The following PRKN variants were observed in gnomAD, a reference collection of about 807,000 sequenced individuals.
PRKN encodes E3 ubiquitin-protein ligase parkin.
Under a neutral mutation model 59.5 loss-of-function variants are expected in PRKN, and 56 were observed. That is an observed-to-expected ratio of 0.94 (90% CI 0.76 to 1.18). The LOEUF (loss-of-function observed/expected upper bound fraction) is 1.18, where lower values mean the gene tolerates loss of function less well. Among genes scored for constraint, PRKN ranks in the 50% most tolerant of loss-of-function variants. The pLI is 0.00. For synonymous variants in PRKN, 250 were observed against 222.1 expected (o/e 1.13, Z -1.12); for missense variants, 657 against 596.4 (o/e 1.10, Z -1.06).
intron 1 of PRKN, 57 bp downstream of exon 1, chr6:162,727,605 G>T (rs1022815802): frequency 6.5e-7 from 1 of 1,543,282 alleles, no homozygotes; most frequent in Non-Finnish European, 8.8e-7. Flanking sequence ...GGGGCGTGGC[G>T]CCATACCGGG....
At chr6:162,607,833 T>G (rs1314105950) in intron 1 of PRKN, among the ~76,000 whole-genome samples, 1 of 152,148 alleles carries the variant, frequency 6.6e-6, no homozygotes, top group East Asian at 1.9e-4. Context: ...AGAGTTCATC[T>G]GCCAAGACTG....
At chr6:161,425,103 A>ACT (rs10689017) in intron 9 of PRKN, among the ~76,000 whole-genome samples, 103,119 of 151,676 alleles carry the variant, frequency 0.68, 36,665 homozygotes, top group East Asian at 0.95. Context: ...GTTAGGCATG[A>ACT]CTCTCTTTCT....
At chr6:162,619,668 A>G (rs536257875) in intron 1 of PRKN, among the ~76,000 whole-genome samples, 9 of 151,038 alleles carry the variant, frequency 6.0e-5, no homozygotes, top group Non-Finnish European at 1.3e-4. Context: ...ATAAAAAGTA[A>G]TAATACAGAA....
At chr6:162,688,403 C>T (rs1222063993) in intron 1 of PRKN, among the ~76,000 whole-genome samples, 1 of 151,996 alleles carries the variant, frequency 6.6e-6, no homozygotes, top group East Asian at 1.9e-4. Context: ...TATTTAACCT[C>T]TACATGTAAG....
At chr6:162,176,795 G>A (rs182700508) in intron 4 of PRKN, among the ~76,000 whole-genome samples, 3 of 152,128 alleles carry the variant, frequency 2.0e-5, no homozygotes, top group African/African-American at 7.2e-5. Flanking sequence ...CCATAAATAC[G>A]GCTTACACTG....
intron 1 of PRKN, among the ~76,000 whole-genome samples, chr6:162,463,640 C>A (rs1791276275): frequency 6.6e-6 from 1 of 152,308 alleles, no homozygotes; most frequent in East Asian, 1.9e-4. Context: ...GACAATGTGA[C>A]TACTGCTATG....
chr6:162,402,809 A>G lies in PRKN; in HGVS notation c.171+40501T>C, dbSNP rs553707079. On this transcript the variant is annotated intron_variant, in intron 2 of 11. Coordinates refer to ENST00000366898, the MANE Select transcript of PRKN (RefSeq NM_004562.3). ...TCCTTAGTAGCTAGAATGCCATCAT[A>G]TCTGAGTGATTGTTTTTTAGCTTTC... Among the ~76,000 whole-genome samples the G allele has an allele frequency of 7.9e-5, 12 of 151,984 alleles. 1 individual carries two copies. Among genetic ancestry groups the G allele is most frequent in the Admixed American group, 7.2e-4 (11 of 15,246 alleles).
chr6:162,161,201 C>T (rs796384574), intron 4 of PRKN, among the ~76,000 whole-genome samples: 57 of 152,306 alleles, frequency 3.7e-4, no homozygotes, highest in African/African-American at 1.4e-3. Flanking sequence ...ATGGGCTGAC[C>T]ACGTGAGCAT....
chr6:161,700,383 G>C (rs1786203319), intron 7 of PRKN, among the ~76,000 whole-genome samples: 3 of 152,168 alleles, frequency 2.0e-5, no homozygotes, highest in African/African-American at 7.2e-5. Flanking sequence ...TCCCACCAAA[G>C]TTTGGCTTCA....
chr6:161,967,861 C>T (rs1784591), intron 6 of PRKN, among the ~76,000 whole-genome samples: 1 of 151,900 alleles, frequency 6.6e-6, no homozygotes. Context: ...TTAGATAGTG[C>T]CCAGTAAACC....
At chr6:161,900,337 A>G (rs1054666506) in intron 6 of PRKN, among the ~76,000 whole-genome samples, 1 of 150,474 alleles carries the variant, frequency 6.6e-6, no homozygotes, top group African/African-American at 2.4e-5. Context: ...TCAGGAAACA[A>G]GACATGGAGC....
intron 9 of PRKN, among the ~76,000 whole-genome samples, chr6:161,474,441 C>T (rs1790963350): frequency 6.6e-6 from 1 of 152,128 alleles, no homozygotes; most frequent in South Asian, 2.1e-4. Flanking sequence ...TAATCCCTAC[C>T]TGAAGTTTGG....
intron 5 of PRKN, among the ~76,000 whole-genome samples, chr6:162,039,894 T>C (rs146725869): frequency 1.3e-5 from 2 of 152,224 alleles, no homozygotes; most frequent in African/African-American, 4.8e-5. Flanking sequence ...ATGCCCGTCA[T>C]CTACTGCTAT....
At chr6:162,325,899 T>C (rs1198224463) in intron 2 of PRKN, among the ~76,000 whole-genome samples, 1 of 152,168 alleles carries the variant, frequency 6.6e-6, no homozygotes, top group Non-Finnish European at 1.5e-5. Context: ...AAAACCTTAT[T>C]CTTAGAGACT....
rs1203226374 is a variant in PRKN, at chr6:161,498,821, C to T, written c.1083+50033G>A. Among the ~76,000 whole-genome samples the T allele has an allele frequency of 6.6e-6, 1 of 152,180 alleles. No homozygotes were observed. Among genetic ancestry groups the T allele is most frequent in the African/African-American group, 2.4e-5 (1 of 41,456 alleles). On this transcript the variant is annotated intron_variant, in intron 9 of 11. Coordinates refer to ENST00000366898, the MANE Select transcript of PRKN (RefSeq NM_004562.3). This position sits in a 1 kb window ranked among gnomAD's most constrained non-coding sequence, Gnocchi z 4.2. Reference sequence around the variant, plus strand: ...TGCTGACTAATACATCCAGGATATTCTTTGGGAATTCTAGCGGCTACATTC... The same window carrying T: ...TGCTGACTAATACATCCAGGATATTTTTTGGGAATTCTAGCGGCTACATTC...
At chr6:161,729,864 T>C (rs1211189139) in intron 7 of PRKN, among the ~76,000 whole-genome samples, 3 of 146,394 alleles carry the variant, frequency 2.0e-5, no homozygotes, top group African/African-American at 5.6e-5. Context: ...TTCTGACATG[T>C]TGCATTCTTT....
rs768568929 is a variant in PRKN, at chr6:161,582,971, AAC to A, written c.872-13557_872-13556del. Among the ~76,000 whole-genome samples, 19,828 of 116,848 alleles carry A rather than the reference AAC, an allele frequency of 0.17. 1,646 individuals are homozygous for A. The highest frequency in any genetic ancestry group is 0.25 in the Admixed American group (2,743 of 10,960). The allele number at this position is 116,848 out of a possible 152,430, so 76.7% of individuals were successfully genotyped here. A position where few individuals can be genotyped will look rare whatever the true frequency, so the allele number is the denominator to read the frequency against. ...TCTTTCCAGTGAGATGGCCTATTCC[AAC>A]ACACACACACACACACACACACACA... is the stretch of plus-strand genomic sequence containing the variant. On this transcript the variant is annotated intron_variant, in intron 7 of 11. Coordinates refer to ENST00000366898, the MANE Select transcript of PRKN (RefSeq NM_004562.3). The surrounding 1 kb of genome is among the most constrained non-coding windows in gnomAD (Gnocchi z 4.4).
rs571889684 is a variant in PRKN at position 161,425,822 on chromosome 6, A to G, written c.1084-38945T>C. On this transcript the variant is annotated intron_variant, in intron 9 of 11. Transcript: ENST00000366898. ...TAATATAGACGAGACGCCTTGCCAC[A>G]TCAGTAATTCCCCCCATATTCACAC... Among the ~76,000 whole-genome samples the G allele has an allele frequency of 3.3e-5, 5 of 152,294 alleles. No homozygotes were observed. In the East Asian group the frequency reaches 7.7e-4, roughly 23 times the overall value.
At chr6:162,643,518 T>C (rs1778048275) in intron 1 of PRKN, among the ~76,000 whole-genome samples, 1 of 152,080 alleles carries the variant, frequency 6.6e-6, no homozygotes, top group East Asian at 1.9e-4. Flanking sequence ...CAGGCCCATT[T>C]CGGCGGGGAG....
Sources: allele counts gnomAD v4.1 joint callset (sites outside exome capture counted in the v4.1 genomes callset), GRCh38; gene constraint gnomAD v4.1.1; non-coding constraint Gnocchi (gnomAD v3.1); transcripts MANE v1.5; gene names NCBI Gene and HGNC (gene_info 2026-07-23, HGNC 2026-07-21).